The following DCT variants were observed in gnomAD, a reference collection of about 807,000 sequenced individuals.
DCT encodes the protein dopachrome tautomerase, also known as L-dopachrome tautomerase.
A neutral mutation model predicts 53.0 loss-of-function variants in DCT; 47 were observed. The ratio of observed to expected loss-of-function variants is 0.89; its 90% CI spans 0.70 to 1.13. The LOEUF (loss-of-function observed/expected upper bound fraction) is 1.13, where lower values mean the gene tolerates loss of function less well. Ranked by LOEUF, DCT falls within the 50% of genes most tolerant of loss-of-function variation. The pLI, the probability that DCT is intolerant of heterozygous loss-of-function variation, is 0.00. For missense variants in DCT, 669 were observed against 637.4 expected (o/e 1.05, Z -0.53); for synonymous variants, 244 against 237.0 (o/e 1.03, Z -0.27).
intron 6 of DCT, among the ~76,000 whole-genome samples, chr13:94,446,681 C>T (rs1882756984): frequency 6.6e-6 from 1 of 152,170 alleles, no homozygotes. Flanking sequence ...GGAAGTCCAA[C>T]ACCAAGATGT....
At chr13:94,491,879 T>C in the DCT span, among the ~76,000 whole-genome samples, 2 of 152,178 alleles carry the variant, frequency 1.3e-5, no homozygotes, top group African/African-American at 4.8e-5. Context: ...GTGAACCATA[T>C]TACCTCATAA....
the DCT span, among the ~76,000 whole-genome samples, chr13:94,529,164 G>C: frequency 2.0e-5 from 3 of 152,088 alleles, no homozygotes; most frequent in African/African-American, 4.8e-5. Context: ...CCTACAAAGA[G>C]ACTTAGACTC....
At chr13:94,483,716 G>A (rs949076865), upstream of DCT, among the ~76,000 whole-genome samples, 6 of 152,076 alleles carry the variant, frequency 3.9e-5, no homozygotes, top group African/African-American at 4.8e-5. Context: ...TGGCCAGGCC[G>A]GTCTCAAACT....
intron 1 of DCT, among the ~76,000 whole-genome samples, chr13:94,476,660 G>A (rs138935734): frequency 1.3e-5 from 2 of 151,970 alleles, no homozygotes; most frequent in South Asian, 2.1e-4. Context: ...ATTTTTAGTA[G>A]AGACAGGGTT....
chr13:94,445,739 G>A, intron 6 of DCT: 2 of 1,588,216 alleles, frequency 1.3e-6, no homozygotes, highest in Non-Finnish European at 1.7e-6. Context: ...AGGGAAGGGA[G>A]TTCCTTGGTC....
At chr13:94,530,048 C>T in the DCT span, among the ~76,000 whole-genome samples, 2 of 152,142 alleles carry the variant, frequency 1.3e-5, no homozygotes, top group African/African-American at 2.4e-5. Context: ...GGATAAATTC[C>T]TGGACACATA....
chr13:94,496,690 C>G, the DCT span, among the ~76,000 whole-genome samples: 1 of 152,138 alleles, frequency 6.6e-6, no homozygotes, highest in Non-Finnish European at 1.5e-5. Context: ...GTTGAGCATC[C>G]CTTTTTAACT....
At chr13:94,448,971 A>G (rs1285789148) in intron 6 of DCT, among the ~76,000 whole-genome samples, 1 of 152,052 alleles carries the variant, frequency 6.6e-6, no homozygotes, top group Non-Finnish European at 1.5e-5. Flanking sequence ...CTCGAGGGCT[A>G]CATAGCTACG....
the DCT span, among the ~76,000 whole-genome samples, chr13:94,517,055 T>A: frequency 5.9e-5 from 9 of 152,348 alleles, no homozygotes; most frequent in East Asian, 1.5e-3. Flanking sequence ...ATACTAATTA[T>A]GTAGTTTCTA....
At chr13:94,497,162 C>T in the DCT span, among the ~76,000 whole-genome samples, 4 of 152,124 alleles carry the variant, frequency 2.6e-5, no homozygotes, top group South Asian at 2.1e-4. Flanking sequence ...CTCTTCATAA[C>T]GTAGGTGGGC....
At chr13:94,487,981 C>A in the DCT span, among the ~76,000 whole-genome samples, 4 of 151,964 alleles carry the variant, frequency 2.6e-5, no homozygotes, top group Admixed American at 6.6e-5. Flanking sequence ...ATCTTGAATG[C>A]ATTTTTTATA....
the DCT span, among the ~76,000 whole-genome samples, chr13:94,487,757 T>C: frequency 6.6e-6 from 1 of 152,202 alleles, no homozygotes; most frequent in Non-Finnish European, 1.5e-5. Context: ...TGGTTTTTGA[T>C]CTATTCTTTG....
the DCT span, among the ~76,000 whole-genome samples, chr13:94,506,419 C>G: frequency 1.3e-5 from 2 of 152,090 alleles, no homozygotes; most frequent in Non-Finnish European, 2.9e-5. Flanking sequence ...CAGAAAGCAA[C>G]TTGAAGAGCC....
At chr13:94,540,851 T>C in the DCT span, among the ~76,000 whole-genome samples, 1 of 152,214 alleles carries the variant, frequency 6.6e-6, no homozygotes, top group Non-Finnish European at 1.5e-5. Context: ...TGCACTCCCA[T>C]GCTTATTGCA....
At chr13:94,466,089 G>A (rs2139342917) in intron 3 of DCT, among the ~76,000 whole-genome samples, 1 of 144,086 alleles carries the variant, frequency 6.9e-6, no homozygotes, top group Non-Finnish European at 1.5e-5. Flanking sequence ...AAATGTGAAT[G>A]AATCTAGAAG....
At chr13:94,505,560 A>G in the DCT span, among the ~76,000 whole-genome samples, 1 of 152,198 alleles carries the variant, frequency 6.6e-6, no homozygotes, top group Admixed American at 6.5e-5. Context: ...CCTGGTTTCC[A>G]TGGGAGCATA....
At chr13:94,460,009 C>T (rs1883673042) in intron 6 of DCT, 82 bp downstream of exon 6, 2 of 1,370,596 alleles carry the variant, frequency 1.5e-6, no homozygotes, top group South Asian at 2.4e-5. Context: ...GAATAAAACA[C>T]CATCAAACAT....
chr13:94,516,726 C>G, the DCT span, among the ~76,000 whole-genome samples: 175 of 152,200 alleles, frequency 1.1e-3, 3 homozygotes, highest in East Asian at 0.028. Context: ...GTCCACCCCC[C>G]CTCACCATGT....
the DCT span, among the ~76,000 whole-genome samples, chr13:94,546,778 T>C: frequency 6.6e-6 from 1 of 152,240 alleles, no homozygotes; most frequent in South Asian, 2.1e-4. The surrounding 1 kb of genome is among the most constrained non-coding windows in gnomAD (Gnocchi z 4.2). Context: ...TCTTAGGAGT[T>C]GGGCGAGTAA....
Sources: gnomAD v4.1 joint callset for allele counts (sites outside exome capture counted in the v4.1 genomes callset) on GRCh38, gnomAD v4.1.1 for gene constraint, Gnocchi (gnomAD v3.1) non-coding constraint, MANE v1.5 for transcripts, NCBI Gene and HGNC (gene_info 2026-07-23, HGNC 2026-07-21) for gene names.